Variants in DLG2 observed in about 807,000 individuals in gnomAD.
DLG2 encodes the protein disks large homolog 2.
DLG2 carries 45 observed loss-of-function variants against 132.5 expected under a neutral mutation model. The observed-to-expected ratio is 0.34, with a 90% confidence interval of 0.27 to 0.44. The LOEUF (loss-of-function observed/expected upper bound fraction) is 0.44, where lower values mean the gene tolerates loss of function less well. Ranked by LOEUF, DLG2 falls within the 20% of genes least tolerant of loss-of-function variation. The pLI is 1.00. For synonymous variants in DLG2, 424 were observed against 419.6 expected (o/e 1.01, Z -0.13); for missense variants, 1,045 against 1,196.9 (o/e 0.87, Z 1.87).
chr11:84,037,811 T>A (rs967818956), intron 11 of DLG2, among the ~76,000 whole-genome samples: 2 of 152,134 alleles, frequency 1.3e-5, no homozygotes, highest in African/African-American at 4.8e-5. Context: ...GTTTCATACA[T>A]GTTGATGTTA....
chr11:83,833,572 C>A (rs187331937), intron 17 of DLG2, 42 bp downstream of exon 17: 2 of 1,518,638 alleles, frequency 1.3e-6, no homozygotes, highest in Non-Finnish European at 1.8e-6. Flanking sequence ...TCATTGATGG[C>A]GTCAGATATG....
At chr11:84,710,428 A>T (rs892292687) in intron 6 of DLG2, among the ~76,000 whole-genome samples, 1 of 152,006 alleles carries the variant, frequency 6.6e-6, no homozygotes, top group Non-Finnish European at 1.5e-5. Flanking sequence ...CATAATGAGG[A>T]TACTTGAGAC....
intron 9 of DLG2, among the ~76,000 whole-genome samples, chr11:84,148,557 T>A (rs995736759): frequency 5.3e-5 from 8 of 152,316 alleles, no homozygotes; most frequent in South Asian, 4.1e-4. Context: ...GGATATGGTT[T>A]TTTTATGGCT....
intron 8 of DLG2, among the ~76,000 whole-genome samples, chr11:84,203,893 G>C (rs2096630895): frequency 6.6e-6 from 1 of 152,198 alleles, no homozygotes; most frequent in Admixed American, 6.5e-5. Context: ...ATCTACCTAT[G>C]TAACAAGTCT....
At chr11:84,248,466 G>A (rs1208336401) in intron 8 of DLG2, among the ~76,000 whole-genome samples, 2 of 152,010 alleles carry the variant, frequency 1.3e-5, no homozygotes, top group Admixed American at 1.3e-4. Flanking sequence ...ATACTACCAT[G>A]ATAATTGGGC....
chr11:84,294,138 C>G (rs2098052784), intron 7 of DLG2, among the ~76,000 whole-genome samples: 1 of 152,200 alleles, frequency 6.6e-6, no homozygotes, highest in Admixed American at 6.5e-5. Flanking sequence ...CTGGAAATTG[C>G]AGCTGTTGGC....
In DLG2 at chr11:84,948,417, G is replaced by A. The variant is rs534652099; in HGVS notation, c.357+163244C>T. Among the ~76,000 whole-genome samples the A allele has an allele frequency of 2.6e-5, 4 of 152,294 alleles. No homozygotes were observed. The South Asian group carries it at 8.3e-4, about 32-fold the overall frequency. ...TGATGGCAGTCATGTGGAAAAGTGT[G>A]GCAGACAGAAGACATGACCAAAGAA... is the stretch of plus-strand genomic sequence containing the variant. On this transcript the variant is annotated intron_variant, in intron 6 of 27. Coordinates refer to ENST00000376104, the MANE Select transcript of DLG2 (RefSeq NM_001142699.3).
chr11:84,612,684 T>C (rs1327350806), intron 6 of DLG2, among the ~76,000 whole-genome samples: 1 of 152,168 alleles, frequency 6.6e-6, no homozygotes, highest in East Asian at 1.9e-4. Flanking sequence ...ATGGTTATAT[T>C]ATTTTTAACT....
At chr11:84,408,125 C>T (rs2098867570) in intron 7 of DLG2, among the ~76,000 whole-genome samples, 1 of 151,922 alleles carries the variant, frequency 6.6e-6, no homozygotes, top group Non-Finnish European at 1.5e-5. Flanking sequence ...GAAAAGATGA[C>T]CTGGAGATTC....
At chr11:85,559,284 TG>T (rs1217402559) in intron 3 of DLG2, among the ~76,000 whole-genome samples, 1 of 151,208 alleles carries the variant, frequency 6.6e-6, no homozygotes, top group Non-Finnish European at 1.5e-5. Flanking sequence ...CCCGAGTACC[TG>T]GGACTACAGG....
At chr11:84,810,369 T>C (rs1243123849) in intron 6 of DLG2, among the ~76,000 whole-genome samples, 2 of 152,132 alleles carry the variant, frequency 1.3e-5, no homozygotes, top group Non-Finnish European at 2.9e-5. Flanking sequence ...CAATATCTTC[T>C]ACCTGATTTC....
At chr11:85,338,481 C>A (rs1049593422) in intron 3 of DLG2, among the ~76,000 whole-genome samples, 1 of 151,960 alleles carries the variant, frequency 6.6e-6, no homozygotes, top group Non-Finnish European at 1.5e-5. Context: ...AGGTTCATTT[C>A]TTAGTATTGA....
chr11:85,203,896 A>G (rs2081651630), intron 4 of DLG2, among the ~76,000 whole-genome samples: 1 of 152,144 alleles, frequency 6.6e-6, no homozygotes, highest in Admixed American at 6.6e-5. Context: ...AAAATCAATC[A>G]ACATAATACA....
chr11:84,122,312 T>C (rs2093965306), intron 9 of DLG2, among the ~76,000 whole-genome samples: 1 of 152,146 alleles, frequency 6.6e-6, no homozygotes, highest in South Asian at 2.1e-4. Context: ...AGAGCTAGAC[T>C]TCATCTCAAA....
At chr11:83,757,587 T>C (rs771134399) in intron 18 of DLG2, among the ~76,000 whole-genome samples, 1 of 152,160 alleles carries the variant, frequency 6.6e-6, no homozygotes, top group Non-Finnish European at 1.5e-5. Flanking sequence ...TTTCAGAGAC[T>C]GGGGGCAAAG....
At chr11:84,699,769 C>T (rs1175947915) in intron 6 of DLG2, among the ~76,000 whole-genome samples, 1 of 151,470 alleles carries the variant, frequency 6.6e-6, no homozygotes, top group Non-Finnish European at 1.5e-5. Flanking sequence ...TTTTCTACCT[C>T]TTTTTGCTTT....
chr11:85,571,892 T>G (rs2077863709), intron 3 of DLG2, among the ~76,000 whole-genome samples: 4 of 152,194 alleles, frequency 2.6e-5, no homozygotes. Flanking sequence ...TTTGAGCTGG[T>G]CTTTCAAGAA....
intron 18 of DLG2, among the ~76,000 whole-genome samples, chr11:83,726,027 A>G (rs982974574): frequency 6.6e-6 from 1 of 152,128 alleles, no homozygotes; most frequent in Non-Finnish European, 1.5e-5. Context: ...AAAAAACCCT[A>G]TGAGGGAAAA....
At chr11:84,255,549 C>A (rs577292573) in intron 7 of DLG2, among the ~76,000 whole-genome samples, 48 of 152,260 alleles carry the variant, frequency 3.2e-4, no homozygotes, top group Non-Finnish European at 5.0e-4. Flanking sequence ...GTCTCAAACT[C>A]CTGACCTCAT....
Sources: allele counts gnomAD v4.1 joint callset (sites outside exome capture counted in the v4.1 genomes callset), GRCh38; gene constraint gnomAD v4.1.1; transcripts MANE v1.5; gene names NCBI Gene and HGNC (gene_info 2026-07-23, HGNC 2026-07-21).